TRIM2: variants seen among roughly 807,000 people sequenced by gnomAD.
TRIM2 encodes the protein tripartite motif containing 2.
Under a neutral mutation model 75.2 loss-of-function variants are expected in TRIM2, and 20 were observed. The ratio of observed to expected loss-of-function variants is 0.27; its 90% confidence interval spans 0.19 to 0.39. The LOEUF (loss-of-function observed/expected upper bound fraction) is 0.39. Among genes scored for constraint, TRIM2 ranks in the 10% least tolerant of loss-of-function variants. TRIM2 has a pLI of 1.00. For synonymous variants in TRIM2, 373 were observed against 388.3 expected, an observed-to-expected ratio of 0.96 and a Z score of 0.46; for missense variants, 660 against 990.8, an observed-to-expected ratio of 0.67 and a Z score of 4.48.
intron 6 of TRIM2, among the ~76,000 whole-genome samples, chr4:153,303,933 A>C (rs1764453043): frequency 6.6e-6 from 1 of 152,136 alleles, no homozygotes; most frequent in African/African-American, 2.4e-5. Context: ...GGTCATCCTT[A>C]TAAAAGACGA....
At chr4:153,308,614 C>G in intron 6 of TRIM2, 1 of 638,552 alleles carries the variant, frequency 1.6e-6, no homozygotes, top group Non-Finnish European at 3.0e-6. Context: ...CTCATCCACA[C>G]CTTTGGTCTT....
intron 1 of TRIM2, among the ~76,000 whole-genome samples, chr4:153,265,400 A>C (rs938594905): frequency 2.0e-5 from 3 of 151,098 alleles, no homozygotes; most frequent in African/African-American, 4.9e-5. Flanking sequence ...GCTAGAATGC[A>C]GTGGCATGTC....
At chr4:153,182,432 A>T (rs992223260) in intron 1 of TRIM2, among the ~76,000 whole-genome samples, 21 of 152,270 alleles carry the variant, frequency 1.4e-4, no homozygotes, top group African/African-American at 3.9e-4. Context: ...GCTCACGCCC[A>T]CTGACCCCAC....
At chr4:153,270,179 C>T (rs573123530) in intron 1 of TRIM2, among the ~76,000 whole-genome samples, 156 bp from the exon 2 acceptor site, 19 of 152,168 alleles carry the variant, frequency 1.2e-4, no homozygotes, top group Non-Finnish European at 2.6e-4. Flanking sequence ...CCGCCCACCT[C>T]GGCCTCCCAA....
chr4:153,263,187 G>A (rs1257876052), intron 1 of TRIM2, among the ~76,000 whole-genome samples: 2 of 152,142 alleles, frequency 1.3e-5, no homozygotes, highest in East Asian at 1.9e-4. Context: ...AAATTAGCTG[G>A]GTGTGGTGGT....
Position 153,309,363 on chromosome 4 carries a change from T to C in TRIM2, c.1511-6122T>C, listed in dbSNP as rs115595506. Among the ~76,000 whole-genome samples, 1,029 of 152,338 alleles carry C rather than the reference T, an allele frequency of 6.8e-3. 12 individuals carry two copies. The highest frequency in any genetic ancestry group is 0.023 in the African/African-American group (970 of 41,568). ...TTTCTCATCTATAAAATGGGGATGA[T>C]AATGTTTGTCCTGCTATCTCATGGG... On this transcript the variant is annotated intron_variant, in intron 6 of 11. Transcript: ENST00000338700.
intron 3 of TRIM2, among the ~76,000 whole-genome samples, chr4:153,285,824 T>C: frequency 6.6e-6 from 1 of 152,176 alleles, no homozygotes; most frequent in East Asian, 1.9e-4. Flanking sequence ...CATCTCTGTA[T>C]AGAGAAATTC....
chr4:153,256,238 T>C (rs1752039819), intron 1 of TRIM2, among the ~76,000 whole-genome samples: 1 of 152,232 alleles, frequency 6.6e-6, no homozygotes, highest in African/African-American at 2.4e-5. Flanking sequence ...GTATGTGCAT[T>C]TCTGGGGTCT....
Position 153,335,486 on chromosome 4 carries a change from T to C in TRIM2, c.*520T>C. The C allele has an allele frequency of 4.5e-5, 44 of 985,442 alleles. No homozygotes were observed. The highest frequency in any genetic ancestry group is 5.3e-5 in the Non-Finnish European group (44 of 829,924). 61.0% of individuals were successfully genotyped at this position (985,442 alleles called of 1,614,324 possible). A position where few individuals can be genotyped will look rare whatever the true frequency, so the allele number is the denominator to read the frequency against. On this transcript the variant is annotated 3_prime_UTR_variant, in exon 12 of 12. Transcript: ENST00000338700. ...ATCAACAACTAAATATAAATTACTT[T>C]GGAAAAAGTAAGGCTGTCTTGCAAA...
At chr4:153,257,754 T>C in intron 1 of TRIM2, 5 of 503,658 alleles carry the variant, frequency 9.9e-6, no homozygotes, top group South Asian at 8.1e-5. Flanking sequence ...AGTCTGTTTG[T>C]CTTCAGAAAT....
At chr4:153,162,859 T>C (rs1729876254) in intron 1 of TRIM2, among the ~76,000 whole-genome samples, 1 of 152,200 alleles carries the variant, frequency 6.6e-6, no homozygotes, top group Admixed American at 6.5e-5. Context: ...GGAATTCTCA[T>C]GTGGCCACTT....
At chr4:153,194,903 A>G (rs7693442) in intron 1 of TRIM2, among the ~76,000 whole-genome samples, 139,434 of 152,280 alleles carry the variant, frequency 0.92, 64,061 homozygotes, top group East Asian at 1. Context: ...CCTGTGTGAG[A>G]AAACCTCTCC....
chr4:153,249,662 A>G (rs921832979), intron 1 of TRIM2, among the ~76,000 whole-genome samples: 8 of 151,882 alleles, frequency 5.3e-5, no homozygotes, highest in African/African-American at 1.9e-4. Context: ...AGCCTCCACC[A>G]GCTCAGTCGC....
At chr4:153,214,327 A>G (rs1212281040) in intron 1 of TRIM2, among the ~76,000 whole-genome samples, 1 of 152,228 alleles carries the variant, frequency 6.6e-6, no homozygotes, top group Non-Finnish European at 1.5e-5. Context: ...CATAGCCTCC[A>G]ATAACCTGCA....
chr4:153,232,464 G>A (rs182090698), intron 1 of TRIM2, among the ~76,000 whole-genome samples: 123 of 152,174 alleles, frequency 8.1e-4, no homozygotes, highest in African/African-American at 2.5e-3. Context: ...ATGCCACTGC[G>A]CTCCAGCCTG....
chr4:153,270,094 A>G (rs552561802), intron 1 of TRIM2, among the ~76,000 whole-genome samples: 1 of 151,648 alleles, frequency 6.6e-6, no homozygotes, highest in South Asian at 2.1e-4. Context: ...ACACCCGGCT[A>G]ATTTTTTGTA....
intron 1 of TRIM2, among the ~76,000 whole-genome samples, chr4:153,196,463 A>C (rs1195779885): frequency 6.6e-6 from 1 of 152,116 alleles, no homozygotes; most frequent in Non-Finnish European, 1.5e-5. Context: ...ATAAAAAAGT[A>C]AACAAAGTTT....
chr4:153,337,476 A>G lies in TRIM2; in HGVS notation c.*2510A>G, dbSNP rs1561041969. The G allele has an allele frequency of 2.0e-6, 2 of 985,892 alleles. No homozygotes were observed. The highest frequency in any genetic ancestry group is 2.4e-6 in the Non-Finnish European group (2 of 829,938). The allele number at this position is 985,892 out of a possible 1,614,324, so 61.1% of individuals were successfully genotyped here. A position where few individuals can be genotyped will look rare whatever the true frequency, so the allele number is the denominator to read the frequency against. ...CTGCTCCACTATGTGTTGCTAAAAC[A>G]CATGCTATGAGCACTCCAGGAAACA... is the stretch of plus-strand genomic sequence containing the variant. On this transcript the variant is annotated 3_prime_UTR_variant, in exon 12 of 12. Coordinates refer to ENST00000338700, the MANE Select transcript of TRIM2 (RefSeq NM_015271.5).
At chr4:153,205,068 G>A (rs1367528263) in intron 1 of TRIM2, among the ~76,000 whole-genome samples, 1 of 152,234 alleles carries the variant, frequency 6.6e-6, no homozygotes, top group South Asian at 2.1e-4. Flanking sequence ...GTTTAGAGCA[G>A]ACAGGAGACT....
Sources: allele counts gnomAD v4.1 joint callset (sites outside exome capture counted in the v4.1 genomes callset), GRCh38; gene constraint gnomAD v4.1.1; transcripts MANE v1.5; gene names NCBI Gene and HGNC (gene_info 2026-07-23, HGNC 2026-07-21).